AP3S1: variants seen among roughly 807,000 people sequenced by gnomAD.
The protein encoded by AP3S1 is adaptor related protein complex 3 subunit sigma 1, also known as AP-3 complex subunit sigma-1.
AP3S1 carries 12 observed loss-of-function variants against 21.3 expected under a neutral mutation model. The observed-to-expected ratio is 0.56, with a 90% CI of 0.36 to 0.91. The LOEUF is 0.91. AP3S1 is among the 40% of genes least tolerant of loss of function. AP3S1 has a pLI of 0.01. For missense variants in AP3S1, 116 were observed against 225.0 expected, an observed-to-expected ratio of 0.52 and a Z score of 3.10; for synonymous variants, 48 against 78.4, an observed-to-expected ratio of 0.61 and a Z score of 2.05.
At chr5:115,902,684 T>C (rs1751315047) in intron 4 of AP3S1, among the ~76,000 whole-genome samples, 1 of 152,168 alleles carries the variant, frequency 6.6e-6, no homozygotes, top group Non-Finnish European at 1.5e-5. Context: ...TATAGCCCAT[T>C]AAGCTCAGAC....
chr5:115,846,405 G>C (rs1762068033), intron 1 of AP3S1, among the ~76,000 whole-genome samples: 1 of 152,164 alleles, frequency 6.6e-6, no homozygotes, highest in African/African-American at 2.4e-5. Flanking sequence ...GTATGCATGT[G>C]TGTGTACACA....
chr5:115,872,636 C>T (rs1205871221), intron 3 of AP3S1, among the ~76,000 whole-genome samples: 1 of 152,094 alleles, frequency 6.6e-6, no homozygotes, highest in East Asian at 1.9e-4. Context: ...TGTTCACTTT[C>T]CTCCTGGGGC....
At chr5:115,880,778 C>A (rs1051913365) in intron 3 of AP3S1, among the ~76,000 whole-genome samples, 1 of 152,120 alleles carries the variant, frequency 6.6e-6, no homozygotes, top group Non-Finnish European at 1.5e-5. Context: ...TCTTGTGGAT[C>A]TGTCTAATAT....
intron 3 of AP3S1, among the ~76,000 whole-genome samples, chr5:115,893,586 T>C (rs534382607): frequency 5.3e-5 from 8 of 152,178 alleles, no homozygotes; most frequent in Admixed American, 2.0e-4. Flanking sequence ...GAACTGTAGT[T>C]ACATGTCCAC....
At chr5:115,877,103 T>C (rs1329044184) in intron 3 of AP3S1, among the ~76,000 whole-genome samples, 2 of 152,154 alleles carry the variant, frequency 1.3e-5, no homozygotes, top group Non-Finnish European at 2.9e-5. Flanking sequence ...ATATTTATGG[T>C]GTTTACCAAA....
intron 5 of AP3S1, among the ~76,000 whole-genome samples, chr5:115,904,584 C>G (rs1751485260): frequency 1.3e-5 from 2 of 151,972 alleles, no homozygotes; most frequent in African/African-American, 4.8e-5. Context: ...TTTTGTTTGT[C>G]CTATAGCCAA....
chr5:115,842,018 C>T lies in AP3S1; in HGVS notation c.-20C>T, dbSNP rs1237714481. On this transcript the variant is annotated 5_prime_UTR_variant, in exon 1 of 6. Coordinates refer to ENST00000316788, the MANE Select transcript of AP3S1 (RefSeq NM_001284.4). ...CCCCGCCCTGGCCCCCAGTGCCCAC[C>T]CGGTCGGCCCGGCACAGCCATGATC... is the stretch of plus-strand genomic sequence containing the variant. 3.2e-6 allele frequency: 5 copies of T among 1,577,968 alleles called. No individual in the cohort carries two copies. In the African/African-American group the frequency reaches 4.1e-5, roughly 13 times the overall value.
At chr5:115,886,098 G>A (rs920631972) in intron 3 of AP3S1, among the ~76,000 whole-genome samples, 2 of 152,172 alleles carry the variant, frequency 1.3e-5, no homozygotes, top group African/African-American at 4.8e-5. Flanking sequence ...TTAAGTGTTA[G>A]TGGTTAACCT....
At chr5:115,886,461 T>A (rs1028342092) in intron 3 of AP3S1, among the ~76,000 whole-genome samples, 1 of 152,166 alleles carries the variant, frequency 6.6e-6, no homozygotes, top group Non-Finnish European at 1.5e-5. Flanking sequence ...ATGAACCATT[T>A]CCACTAAATG....
chr5:115,879,963 A>G (rs1379760254), intron 3 of AP3S1, among the ~76,000 whole-genome samples: 1 of 152,006 alleles, frequency 6.6e-6, no homozygotes, highest in African/African-American at 2.4e-5. Context: ...GAATTTATCC[A>G]TTTCTTCTAG....
chr5:115,910,391 C>G (rs141059629), intron 5 of AP3S1, among the ~76,000 whole-genome samples: 4 of 151,350 alleles, frequency 2.6e-5, no homozygotes, highest in African/African-American at 9.7e-5. Context: ...AGTGAAATTG[C>G]GGGTAAGGGG....
At chr5:115,884,950 G>C (rs1353378525) in intron 3 of AP3S1, among the ~76,000 whole-genome samples, 1 of 152,114 alleles carries the variant, frequency 6.6e-6, no homozygotes, top group Non-Finnish European at 1.5e-5. Context: ...AAAAATGGTT[G>C]ATCTCAGAGT....
At chr5:115,842,210 C>A in intron 1 of AP3S1, 104 bp downstream of exon 1, 1 of 1,429,286 alleles carries the variant, frequency 7.0e-7, no homozygotes, top group Non-Finnish European at 9.2e-7. Context: ...CGCTGCGGCC[C>A]TTGTCCCGTC....
At chr5:115,848,634 T>G (rs1206753247) in intron 1 of AP3S1, among the ~76,000 whole-genome samples, 1 of 152,216 alleles carries the variant, frequency 6.6e-6, no homozygotes, top group African/African-American at 2.4e-5. Context: ...CATTCTTACC[T>G]TTAGCACTTA....
chr5:115,908,766 T>C (rs895796054), intron 5 of AP3S1, among the ~76,000 whole-genome samples: 4 of 152,158 alleles, frequency 2.6e-5, no homozygotes, highest in Non-Finnish European at 5.9e-5. Context: ...ATAATTGCAG[T>C]ATTAAAGCAC....
intron 2 of AP3S1, among the ~76,000 whole-genome samples, chr5:115,869,396 A>C (rs942256871): frequency 3.3e-5 from 5 of 152,182 alleles, no homozygotes; most frequent in Non-Finnish European, 2.9e-5. Flanking sequence ...AGTTAAATCT[A>C]GTAAGCACTT....
At chr5:115,888,703 T>TG (rs1450878644) in intron 3 of AP3S1, among the ~76,000 whole-genome samples, 10 of 152,152 alleles carry the variant, frequency 6.6e-5, no homozygotes, top group African/African-American at 2.4e-4. Context: ...CAAATTACAG[T>TG]GTCTTGGTAG....
intron 3 of AP3S1, among the ~76,000 whole-genome samples, chr5:115,878,609 A>G (rs1280555149): frequency 1.3e-5 from 2 of 152,180 alleles, no homozygotes; most frequent in Non-Finnish European, 2.9e-5. Context: ...GCCTTATAGT[A>G]TAGTTTGAAG....
At chr5:115,864,954 A>G (rs1238236546) in intron 1 of AP3S1, among the ~76,000 whole-genome samples, 3 of 152,214 alleles carry the variant, frequency 2.0e-5, no homozygotes, top group East Asian at 1.9e-4. Flanking sequence ...CTTCTGTAAT[A>G]TGATGCTAAA....
Sources: allele counts gnomAD v4.1 joint callset (sites outside exome capture counted in the v4.1 genomes callset), GRCh38; gene constraint gnomAD v4.1.1; transcripts MANE v1.5; gene names NCBI Gene and HGNC (gene_info 2026-07-23, HGNC 2026-07-21).